B3GALT1: variants seen among roughly 807,000 people sequenced by gnomAD.
B3GALT1 encodes beta-1,3-galactosyltransferase 1, also known as UDP-Gal:betaGlcNAc beta 1,3-galactosyltransferase, polypeptide 1.
A neutral mutation model predicts 23.2 loss-of-function variants in B3GALT1; 10 were observed. The observed-to-expected ratio is 0.43, with a 90% CI of 0.27 to 0.73. The LOEUF (loss-of-function observed/expected upper bound fraction) is 0.73. B3GALT1 is among the 30% of genes least tolerant of loss of function. The pLI is 0.21. For missense variants in B3GALT1, 299 were observed against 405.4 expected (o/e 0.74, Z 2.25); for synonymous variants, 156 against 141.5 (o/e 1.10, Z -0.73).
intron 3 of B3GALT1, among the ~76,000 whole-genome samples, chr2:167,672,077 T>C (rs1255148889): frequency 1.3e-5 from 2 of 152,184 alleles, no homozygotes; most frequent in Non-Finnish European, 2.9e-5. Context: ...GAATTTGTCA[T>C]GGAAATTTTT....
intron 2 of B3GALT1, among the ~76,000 whole-genome samples, chr2:167,591,277 G>T (rs1383986487): frequency 6.6e-6 from 1 of 151,830 alleles, no homozygotes; most frequent in Non-Finnish European, 1.5e-5. Flanking sequence ...CATGATCTGG[G>T]GGCATGCCAA....
At chr2:167,512,322 C>T (rs1043709891) in intron 2 of B3GALT1, among the ~76,000 whole-genome samples, 3 of 150,990 alleles carry the variant, frequency 2.0e-5, no homozygotes, top group Non-Finnish European at 4.4e-5. Context: ...TGAATTTTGT[C>T]AAATTCTTAT....
At chr2:167,317,175 G>A (rs1271996753) in intron 1 of B3GALT1, among the ~76,000 whole-genome samples, 5 of 152,062 alleles carry the variant, frequency 3.3e-5, no homozygotes, top group African/African-American at 1.2e-4. Flanking sequence ...TGTTTATGTC[G>A]GAGGACAGAC....
chr2:167,433,468 A>G (rs192529507), intron 1 of B3GALT1, among the ~76,000 whole-genome samples: 13 of 152,316 alleles, frequency 8.5e-5, no homozygotes, highest in Admixed American at 2.0e-4. Context: ...CCTCTTTTTG[A>G]CAAAGGAAGA....
chr2:167,791,072 C>A (rs1229162901), intron 3 of B3GALT1, among the ~76,000 whole-genome samples: 3 of 152,170 alleles, frequency 2.0e-5, no homozygotes, highest in African/African-American at 7.2e-5. Flanking sequence ...CCACCAAACA[C>A]TTACACAGCG....
At chr2:167,311,457 T>C (rs1043769901) in intron 1 of B3GALT1, among the ~76,000 whole-genome samples, 2 of 152,092 alleles carry the variant, frequency 1.3e-5, no homozygotes, top group Non-Finnish European at 2.9e-5. Flanking sequence ...CTATGTTCTG[T>C]TTTTATTCTT....
chr2:167,321,313 T>G (rs2105493059), intron 1 of B3GALT1, among the ~76,000 whole-genome samples: 1 of 152,254 alleles, frequency 6.6e-6, no homozygotes, highest in Non-Finnish European at 1.5e-5. Context: ...GAAAATAATC[T>G]TAGAAAACAG....
intron 2 of B3GALT1, among the ~76,000 whole-genome samples, chr2:167,618,067 C>G (rs1029943825): frequency 1.1e-4 from 16 of 151,966 alleles, no homozygotes; most frequent in African/African-American, 3.9e-4. Flanking sequence ...AACAAACCAA[C>G]AAAACAAACA....
At chr2:167,553,595 A>C (rs1387260391) in intron 2 of B3GALT1, among the ~76,000 whole-genome samples, 3 of 152,144 alleles carry the variant, frequency 2.0e-5, no homozygotes, top group African/African-American at 7.2e-5. Context: ...ACAATCCAAG[A>C]CCACTTCTGA....
intron 3 of B3GALT1, among the ~76,000 whole-genome samples, chr2:167,811,981 T>C (rs1274780435): frequency 6.6e-6 from 1 of 152,238 alleles, no homozygotes; most frequent in Non-Finnish European, 1.5e-5. Context: ...GCTATATGTG[T>C]ACAGATGTTG....
At chr2:167,761,155 C>T (rs1209480174) in intron 3 of B3GALT1, among the ~76,000 whole-genome samples, 2 of 152,136 alleles carry the variant, frequency 1.3e-5, no homozygotes, top group African/African-American at 4.8e-5. Context: ...ATAGTTTAGC[C>T]TGTTATCAGC....
intron 3 of B3GALT1, among the ~76,000 whole-genome samples, chr2:167,647,818 G>C (rs533511678): frequency 3.9e-5 from 6 of 151,946 alleles, no homozygotes; most frequent in Non-Finnish European, 7.4e-5. Context: ...GTGGTTGTAT[G>C]TATTTATGGG....
intron 3 of B3GALT1, among the ~76,000 whole-genome samples, chr2:167,655,989 A>T (rs1685949309): frequency 6.6e-6 from 1 of 152,166 alleles, no homozygotes; most frequent in Non-Finnish European, 1.5e-5. Flanking sequence ...AGTATTCCAT[A>T]CGTTGTGTCA....
At chr2:167,657,409 C>T (rs763809962) in intron 3 of B3GALT1, among the ~76,000 whole-genome samples, 5 of 152,010 alleles carry the variant, frequency 3.3e-5, no homozygotes, top group East Asian at 1.9e-4. Flanking sequence ...GGGAAGCCTG[C>T]GGGACAGCCT....
At chr2:167,563,799 C>G (rs540955014) in intron 2 of B3GALT1, among the ~76,000 whole-genome samples, 3 of 138,764 alleles carry the variant, frequency 2.2e-5, no homozygotes, top group East Asian at 2.3e-4. Flanking sequence ...CCACCTCCCC[C>G]CCGGAGGGAG....
intron 3 of B3GALT1, among the ~76,000 whole-genome samples, chr2:167,662,813 G>C (rs1686087616): frequency 6.6e-6 from 1 of 151,858 alleles, no homozygotes; most frequent in South Asian, 2.1e-4. Context: ...GGTGTTCTTA[G>C]AACATACCAA....
chr2:167,401,139 A>G (rs558770221), intron 1 of B3GALT1, among the ~76,000 whole-genome samples: 1 of 152,210 alleles, frequency 6.6e-6, no homozygotes, highest in African/African-American at 2.4e-5. Context: ...AAAGCCTATG[A>G]CAAACCAATA....
chr2:167,789,150 G>A (rs892894778), intron 3 of B3GALT1, among the ~76,000 whole-genome samples: 7 of 152,148 alleles, frequency 4.6e-5, no homozygotes, highest in Non-Finnish European at 1.0e-4. Context: ...TACTTAATTT[G>A]AGGCATCGGA....
intron 1 of B3GALT1, among the ~76,000 whole-genome samples, chr2:167,468,550 A>G (rs928335183): frequency 6.6e-6 from 1 of 152,210 alleles, no homozygotes; most frequent in Non-Finnish European, 1.5e-5. Flanking sequence ...TTCCAACTTG[A>G]CAAAGTGTGT....
Sources: allele counts gnomAD v4.1 joint callset (sites outside exome capture counted in the v4.1 genomes callset), GRCh38; gene constraint gnomAD v4.1.1; transcripts MANE v1.5; gene names NCBI Gene and HGNC (gene_info 2026-07-23, HGNC 2026-07-21).